The following PRR16 variants were observed in gnomAD, a reference collection of about 807,000 sequenced individuals.
The protein encoded by PRR16 is proline rich 16.
A neutral mutation model predicts 18.2 loss-of-function variants in PRR16; 6 were observed. That is an observed-to-expected ratio of 0.33 (90% CI 0.18 to 0.65). The LOEUF (loss-of-function observed/expected upper bound fraction) is 0.65. Among genes scored for constraint, PRR16 ranks in the 30% least tolerant of loss-of-function variants. The pLI, the probability that PRR16 is intolerant of heterozygous loss-of-function variation, is 0.74. For synonymous variants in PRR16, 151 were observed against 147.8 expected, an observed-to-expected ratio of 1.02 and a Z score of -0.16; for missense variants, 412 against 376.6, an observed-to-expected ratio of 1.09 and a Z score of -0.78.
intron 1 of PRR16, among the ~76,000 whole-genome samples, chr5:120,681,881 C>T (rs1756983928): frequency 6.6e-6 from 1 of 152,086 alleles, no homozygotes; most frequent in South Asian, 2.1e-4. Flanking sequence ...TTTATCATTG[C>T]TTTTCAGTGT....
chr5:120,736,707 T>C, the PRR16 span, among the ~76,000 whole-genome samples: 2 of 152,030 alleles, frequency 1.3e-5, no homozygotes, highest in Admixed American at 1.3e-4. Context: ...ATTAAGTCTT[T>C]CAATCATCTC....
chr5:120,506,920 G>T (rs117791806), intron 1 of PRR16, among the ~76,000 whole-genome samples: 97 of 152,230 alleles, frequency 6.4e-4, no homozygotes, highest in African/African-American at 1.8e-3. Flanking sequence ...AGATCAGAAG[G>T]GAGGCTAATG....
the PRR16 span, among the ~76,000 whole-genome samples, chr5:120,699,988 T>C: frequency 6.6e-6 from 1 of 152,146 alleles, no homozygotes; most frequent in South Asian, 2.1e-4. Flanking sequence ...TTTGCTGAGC[T>C]TGATGGGTGT....
intron 1 of PRR16, among the ~76,000 whole-genome samples, chr5:120,642,908 G>A (rs943728460): frequency 6.6e-6 from 1 of 152,006 alleles, no homozygotes; most frequent in African/African-American, 2.4e-5. Context: ...ACTTGGTGAG[G>A]CCAATTGCTG....
chr5:120,663,974 A>C (rs1756266923), intron 1 of PRR16, among the ~76,000 whole-genome samples: 1 of 152,264 alleles, frequency 6.6e-6, no homozygotes, highest in East Asian at 1.9e-4. Context: ...ATTCATTAGT[A>C]TGTTGATTAA....
chr5:120,616,730 A>G (rs780026640), intron 1 of PRR16, among the ~76,000 whole-genome samples: 1 of 152,198 alleles, frequency 6.6e-6, no homozygotes, highest in Non-Finnish European at 1.5e-5. Context: ...GACAAAAACA[A>G]TATTGAATGA....
At chr5:120,651,450 T>C (rs1170910606) in intron 1 of PRR16, among the ~76,000 whole-genome samples, 1 of 152,200 alleles carries the variant, frequency 6.6e-6, no homozygotes, top group African/African-American at 2.4e-5. Flanking sequence ...TCTAGGGTTT[T>C]TATGGTTTTA....
At chr5:120,707,829 A>G in the PRR16 span, among the ~76,000 whole-genome samples, 1 of 152,200 alleles carries the variant, frequency 6.6e-6, no homozygotes, top group African/African-American at 2.4e-5. Context: ...AGTATGAAAA[A>G]GTTGCCAGGG....
intron 1 of PRR16, among the ~76,000 whole-genome samples, chr5:120,590,504 A>T (rs1421390035): frequency 2.4e-5 from 1 of 42,364 alleles, no homozygotes; most frequent in African/African-American, 1.5e-4. Flanking sequence ...ATAAAGCCTG[A>T]TTCAGTGTTG....
chr5:120,728,540 T>C, the PRR16 span, among the ~76,000 whole-genome samples: 2 of 151,990 alleles, frequency 1.3e-5, no homozygotes, highest in Non-Finnish European at 2.9e-5. Context: ...ATGGTATCCT[T>C]ATTTTAGCAA....
At chr5:120,771,729 C>T in the PRR16 span, among the ~76,000 whole-genome samples, 2 of 151,904 alleles carry the variant, frequency 1.3e-5, no homozygotes, top group Non-Finnish European at 2.9e-5. Flanking sequence ...AACAGTGAAC[C>T]GTACCAACTC....
At chr5:120,754,213 T>TA in the PRR16 span, among the ~76,000 whole-genome samples, 5 of 66,210 alleles carry the variant, frequency 7.6e-5, no homozygotes, top group African/African-American at 2.7e-4. Context: ...ATAAATTATA[T>TA]ATTATAATAT....
At chr5:120,703,989 T>C in the PRR16 span, among the ~76,000 whole-genome samples, 1 of 152,218 alleles carries the variant, frequency 6.6e-6, no homozygotes, top group African/African-American at 2.4e-5. Flanking sequence ...AAGATTTAGA[T>C]ACTGATGATA....
At chr5:120,792,748 A>C in the PRR16 span, among the ~76,000 whole-genome samples, 2 of 152,228 alleles carry the variant, frequency 1.3e-5, no homozygotes, top group Non-Finnish European at 2.9e-5. Context: ...AAAGGGTAAG[A>C]AAAAATACAT....
At chr5:120,713,039 CA>C in the PRR16 span, among the ~76,000 whole-genome samples, 2 of 152,184 alleles carry the variant, frequency 1.3e-5, no homozygotes, top group African/African-American at 4.8e-5. Context: ...CCATTATTCA[CA>C]ATAGCCAAAA....
the PRR16 span, among the ~76,000 whole-genome samples, chr5:120,785,872 A>T: frequency 6.6e-6 from 1 of 151,330 alleles, no homozygotes; most frequent in Non-Finnish European, 1.5e-5. Context: ...CCTGGCCTAG[A>T]AGTCTCTTAA....
chr5:120,753,025 G>C, the PRR16 span, among the ~76,000 whole-genome samples: 40 of 151,822 alleles, frequency 2.6e-4, no homozygotes, highest in African/African-American at 9.2e-4. Context: ...ATTTTTCCAC[G>C]AATAGATGAG....
At chr5:120,492,403 T>G (rs1750090039) in intron 1 of PRR16, among the ~76,000 whole-genome samples, 1 of 152,100 alleles carries the variant, frequency 6.6e-6, no homozygotes, top group Admixed American at 6.6e-5. Flanking sequence ...TTACAAGCCA[T>G]CTTTACATTT....
the PRR16 span, among the ~76,000 whole-genome samples, chr5:120,746,024 A>G: frequency 1.3e-5 from 2 of 151,960 alleles, no homozygotes; most frequent in African/African-American, 2.4e-5. Context: ...TAGCCTTTGC[A>G]TTCATAATTT....
Sources: allele counts gnomAD v4.1 joint callset (sites outside exome capture counted in the v4.1 genomes callset), GRCh38; gene constraint gnomAD v4.1.1; transcripts MANE v1.5; gene names NCBI Gene and HGNC (gene_info 2026-07-23, HGNC 2026-07-21).